Variants in TTN observed in about 807,000 individuals in gnomAD.
TTN encodes the protein connectin.
TTN carries 1,525 observed loss-of-function variants against 3,223.0 expected under a neutral mutation model. That is an observed-to-expected ratio of 0.47 (90% CI 0.45 to 0.49). The LOEUF is 0.49. TTN is among the 20% of genes least tolerant of loss of function. The pLI, the probability that TTN is intolerant of heterozygous loss-of-function variation, is 0.00. For missense variants in TTN, 40,786 were observed against 43,424.0 expected (o/e 0.94, Z 5.40); for synonymous variants, 14,094 against 15,161.0 (o/e 0.93, Z 5.17).
Position 178,547,654 on chromosome 2 carries a change from T to C in TTN, c.93972A>G (p.Glu31324=), listed in dbSNP as rs727504528. 58 of 1,613,878 alleles carry C rather than the reference T, an allele frequency of 3.6e-5. 2 individuals carry two copies. The Middle Eastern group carries it at 5.9e-3, about 165-fold the overall frequency. Residue 31324 remains glutamate, a synonymous_variant, in exon 339 of 363, where the codon GAA becomes GAG. Transcript: ENST00000589042. The part of the protein sequence containing the change: ...GPIEVSSVSA[E]SCVLSWGEPK... ...GTTCTCCCCATGACAGGACACACGA[T>C]TCAGCTGAGACAGATGAGACCTCAA...
Position 178,632,761 on chromosome 2 carries a change from A to G in TTN, c.43245T>C (p.Ser14415=). 3.1e-6 allele frequency: 5 copies of G among 1,613,056 alleles called. No homozygotes were observed. The highest frequency in any genetic ancestry group is 4.2e-6 in the Non-Finnish European group (5 of 1,179,520). ...ELPLIFITPL[S]DVKVFEKDEA... Reference sequence around the variant, plus strand: ...CATCTTTCTCGAAGACTTTAACATCACTGAGAGGTGTGATGAAGATAAGAG... The same window carrying G: ...CATCTTTCTCGAAGACTTTAACATCGCTGAGAGGTGTGATGAAGATAAGAG... Residue 14415 remains serine, a synonymous_variant, in exon 235 of 363, where the codon AGT becomes AGC. Transcript: ENST00000589042.
Position 178,586,543 on chromosome 2 carries a change from C to T in TTN, c.64358G>A (p.Arg21453Lys). ...ARNAVGVSLP[R>K]EAEGVYEAKE... ...GGCTTCATACACTCCTTCAGCTTCT[C>T]TTGGCAAACTGACTCCAACAGCATT... Residue 21453 changes from arginine (R) to lysine (K), a missense_variant, in exon 308 of 363, where the codon AGA (arginine) becomes AAA (lysine). Physicochemically the swap from Arg to Lys is conservative, Grantham distance 26. Transcript: ENST00000589042. The T allele has an allele frequency of 1.2e-6, 2 of 1,613,192 alleles. No homozygotes were observed. The highest frequency in any genetic ancestry group is 8.5e-7 in the Non-Finnish European group (1 of 1,179,378).
rs878977261 is a variant in TTN at position 178,594,100 on chromosome 2, A to G, written c.58293T>C (p.Asp19431=). Residue 19431 remains aspartate (D), a synonymous_variant, in exon 297 of 363, where the codon GAT becomes GAC. Coordinates refer to ENST00000589042, the MANE Select transcript of TTN (RefSeq NM_001267550.2). The stretch of plus-strand genomic sequence containing the variant: ...CTGGTGTAGTCTTTATATGAGTGCG[A>G]TCATCTTCCAGCACATCAGCTTCAT... ...FKDEADVLED[D]RTHIKTTPAT... The G allele has an allele frequency of 3.1e-6, 5 of 1,613,298 alleles. No individual in the cohort carries two copies. In the African/African-American group the frequency reaches 4.0e-5, roughly 13 times the overall value.
At chr2:178,773,414 A>C in intron 32 of TTN, 45 bp from the exon 33 acceptor site, 1 of 1,613,978 alleles carries the variant, frequency 6.2e-7, no homozygotes, top group Non-Finnish European at 8.5e-7. Context: ...TTACACTGGG[A>C]AAGTAGAATG....
At chr2:178,624,848 A>G in intron 241 of TTN, 117 bp from the exon 242 acceptor site, 1 of 1,175,000 alleles carries the variant, frequency 8.5e-7, no homozygotes, top group Non-Finnish European at 1.2e-6. Flanking sequence ...TTTTATTTTC[A>G]AGTTTTGATT....
In TTN at chr2:178,698,925, AAAAAAAGAAAAAAAAAG is replaced by A. The variant is rs760340475; in HGVS notation, c.30683-28_30683-12del. On this transcript the variant is annotated splice_polypyrimidine_tract_variant and intron_variant, in intron 111 of 362. Transcript: ENST00000589042. ...CAGCCTTTTTGGTAACTAAAAAAAAAAAAAAAGAAAAAAAAAGAAAAAATATTTCTGGTGTAAGTAAC... is the reference window on the plus strand; with the variant it reads ...CAGCCTTTTTGGTAACTAAAAAAAAAAAAAAATATTTCTGGTGTAAGTAAC... 4.0e-6 allele frequency: 6 copies of A among 1,495,390 alleles called. No individual in the cohort carries two copies. The South Asian group carries it at 5.4e-5, about 13-fold the overall frequency. The allele number at this position is 1,495,390 out of a possible 1,614,324, so 92.6% of individuals were successfully genotyped here. A position where few individuals can be genotyped will look rare whatever the true frequency, so the allele number is the denominator to read the frequency against.
At position 178,604,210 on chromosome 2, in the gene TTN, G is replaced by C. The variant is rs374335905; in HGVS notation, c.54477C>G (p.Val18159=). The C allele has an allele frequency of 5.7e-5, 92 of 1,610,886 alleles. No individual in the cohort carries two copies. Among genetic ancestry groups the C allele is most frequent in the Non-Finnish European group, 7.0e-5 (83 of 1,178,384 alleles). The stretch of plus-strand genomic sequence containing the variant: ...CAGGAAGGCGATAAGGATCTTGAAT[G>C]ACTACTTTATCTGATTTGCACTCAT... ...ISDECKSDKV[V]IQDPYRLPGP... Residue 18159 remains valine (V), a synonymous_variant, in exon 282 of 363, where the codon GTC becomes GTG. Coordinates refer to ENST00000589042, the MANE Select transcript of TTN (RefSeq NM_001267550.2).
In TTN at chr2:178,579,124, T is replaced by G. The variant is rs1239261963; in HGVS notation, c.67906A>C (p.Ile22636Leu). The G allele has an allele frequency of 6.2e-7, 1 of 1,613,304 alleles. No homozygotes were observed. The highest frequency in any genetic ancestry group is 8.5e-7 in the Non-Finnish European group (1 of 1,179,560). Residue 22636 changes from isoleucine to leucine, a missense_variant, in exon 320 of 363, where the codon ATC (isoleucine) becomes CTC (leucine). Ile to Leu is a conservative substitution (Grantham distance 5). Transcript: ENST00000589042. ...KNVAGTKEGT[I>L]SIKVVGKPGI... ...GGCTTGCCAACAACCTTTATGGAGA[T>G]AGTTCCTTCCTTGGTGCCAGCAACA... is the stretch of plus-strand genomic sequence containing the variant.
chr2:178,578,293 A>C (rs2046901044), intron 321 of TTN, 108 bp from the exon 322 acceptor site: 9 of 1,027,278 alleles, frequency 8.8e-6, no homozygotes, highest in Non-Finnish European at 1.3e-5. Context: ...ACAAGTAGTC[A>C]TTCTTGCTAG....
chr2:178,609,623 A>C, intron 272 of TTN, 53 bp from the exon 273 acceptor site: 1 of 1,552,996 alleles, frequency 6.4e-7, no homozygotes, highest in Non-Finnish European at 8.7e-7. Flanking sequence ...AATAACTGAC[A>C]AAACATTATT....
chr2:178,541,998 T>G (rs543202527), intron 349 of TTN: 6 of 334,046 alleles, frequency 1.8e-5, no homozygotes, highest in African/African-American at 1.0e-4. Context: ...TTTTCTTCCT[T>G]CCATTCCTTT....
chr2:178,548,736 A>C lies in TTN; in HGVS notation c.92890T>G (p.Ser30964Ala), dbSNP rs752684712. 5.6e-6 allele frequency: 9 copies of C among 1,613,672 alleles called. No homozygotes were observed. The Admixed American group carries it at 1.5e-4, about 27-fold the overall frequency. Residue 30964 changes from serine (S) to alanine (A), a missense_variant, in exon 339 of 363, where the codon TCT (serine) becomes GCT (alanine). Ser to Ala is a moderately conservative substitution (Grantham distance 99). Transcript: ENST00000589042. This position sits in a 1 kb window ranked among gnomAD's most constrained non-coding sequence, Gnocchi z 4.3. ...ATATCAGCCCGAAGGCTAAGGTTAG[A>C]GTCTGGTTTGCTCCACACAGCTGTA... ...TPTAVWSKPD[S>A]NLSLRADIHT...
chr2:178,746,193 C>T (rs778843104), intron 47 of TTN: 1 of 1,613,176 alleles, frequency 6.2e-7, no homozygotes, highest in South Asian at 1.1e-5. Flanking sequence ...ATCCCTATGA[C>T]TGAACATTTG....
At chr2:178,544,672 C>T (rs563423703) in intron 344 of TTN, among the ~76,000 whole-genome samples, 166 bp from the exon 345 acceptor site, 4 of 152,134 alleles carry the variant, frequency 2.6e-5, no homozygotes, top group Non-Finnish European at 5.9e-5. Flanking sequence ...CACAGAGTGC[C>T]ACATTATAAT....
intron 223 of TTN, 93 bp downstream of exon 223, chr2:178,639,606 C>T (rs1002905735): frequency 1.0e-5 from 13 of 1,262,722 alleles, no homozygotes; most frequent in Non-Finnish European, 1.1e-5. Flanking sequence ...ACCTATGTTG[C>T]AGCATAAACA....
At chr2:178,666,514 G>A (rs2065954967) in intron 163 of TTN, among the ~76,000 whole-genome samples, 1 of 152,052 alleles carries the variant, frequency 6.6e-6, no homozygotes, top group Admixed American at 6.6e-5. Context: ...GCTTCACACT[G>A]AATTAATATT....
Position 178,615,430 on chromosome 2 carries a change from A to T in TTN, c.48515T>A (p.Ile16172Asn). Residue 16172 changes from isoleucine (I) to asparagine (N), a missense_variant, in exon 259 of 363, where the codon ATC becomes AAC. Transcript: ENST00000589042. ...TTTAGGTGGATCCCATGTTAAGAAG[A>T]TGCTATTGGCTGTTCGATCTCTCCA... ...VKWRDRTANS[I>N]FLTWDPPKND... 1 of 1,612,612 alleles carries T rather than the reference A, an allele frequency of 6.2e-7. No individual in the cohort carries two copies. The highest frequency in any genetic ancestry group is 8.5e-7 in the Non-Finnish European group (1 of 1,179,020).
rs17452588 is a variant in TTN, at chr2:178,720,585, G to A, written c.23177C>T (p.Ser7726Leu). The A allele has an allele frequency of 7.1e-3, 11,480 of 1,613,202 alleles. 73 individuals are homozygous for A. Among genetic ancestry groups the A allele is most frequent in the Non-Finnish European group, 7.3e-3 (8,665 of 1,179,504 alleles). ...TACTACTTCAAATGGGGGAGTTCCCGAAATTTCACATTGGAGAATCACATC... is the reference window on the plus strand; with the variant it reads ...TACTACTTCAAATGGGGGAGTTCCCAAAATTTCACATTGGAGAATCACATC... ...GSDVILQCEISGTPPFEVVWV... is the reference protein window; with the variant it reads ...GSDVILQCEILGTPPFEVVWV... Residue 7726 changes from serine to leucine, a missense_variant, in exon 80 of 363, where the codon TCG becomes TTG. Physicochemically the swap from Ser to Leu is moderately radical, Grantham distance 145. Coordinates refer to ENST00000589042, the MANE Select transcript of TTN (RefSeq NM_001267550.2).
At position 178,784,101 on chromosome 2, in the gene TTN, C is replaced by A; in HGVS notation, c.2744G>T (p.Arg915Leu). The A allele has an allele frequency of 4.3e-6, 7 of 1,613,856 alleles. No individual in the cohort carries two copies. The highest frequency in any genetic ancestry group is 5.9e-6 in the Non-Finnish European group (7 of 1,179,988). ...TTCGCGTCCGTGCAGTACTTCAAAG[C>A]GCTCTTCACGGACGGTGGTGCCAGT... ...SITGTTVREE[R>L]FEVLHGREAK... The change falls in exon 16 of 363, where the codon CGC becomes CTC. Residue 915 changes from arginine (R) to leucine (L), a missense_variant. Transcript: ENST00000589042.
Sources: allele counts gnomAD v4.1 joint callset (sites outside exome capture counted in the v4.1 genomes callset), GRCh38; gene constraint gnomAD v4.1.1; non-coding constraint Gnocchi (gnomAD v3.1); transcripts MANE v1.5; gene names NCBI Gene and HGNC (gene_info 2026-07-23, HGNC 2026-07-21).